Variants in NTF3 observed in about 807,000 individuals in gnomAD.
NTF3 encodes neurotrophin-3.
In NTF3, 8 loss-of-function variants were observed where a neutral mutation model predicts 26.3. The observed-to-expected ratio is 0.30, with a 90% CI of 0.18 to 0.55. The LOEUF (loss-of-function observed/expected upper bound fraction) is 0.55. Among genes scored for constraint, NTF3 ranks in the 20% least tolerant of loss-of-function variants. NTF3 has a pLI of 0.93. For missense variants in NTF3, 276 were observed against 352.9 expected, an observed-to-expected ratio of 0.78 and a Z score of 1.75; for synonymous variants, 154 against 145.5, an observed-to-expected ratio of 1.06 and a Z score of -0.42.
At chr12:5,449,775 C>T (rs1428658942) in intron 1 of NTF3, among the ~76,000 whole-genome samples, 1 of 152,224 alleles carries the variant, frequency 6.6e-6, no homozygotes, top group Non-Finnish European at 1.5e-5. Flanking sequence ...GATAATCCAT[C>T]TGATTTCAGT....
intron 1 of NTF3, among the ~76,000 whole-genome samples, chr12:5,485,842 G>A (rs1940860405): frequency 1.3e-5 from 2 of 152,176 alleles, no homozygotes; most frequent in Admixed American, 6.5e-5. Flanking sequence ...CACTACATGA[G>A]TGGGTGAGAA....
At chr12:5,459,287 G>A (rs962558687) in intron 1 of NTF3, among the ~76,000 whole-genome samples, 1 of 152,154 alleles carries the variant, frequency 6.6e-6, no homozygotes, top group African/African-American at 2.4e-5. Context: ...AAGTTTCTTG[G>A]AAACCCTATA....
At chr12:5,486,669 C>T (rs1024935902) in intron 1 of NTF3, among the ~76,000 whole-genome samples, 12 of 152,190 alleles carry the variant, frequency 7.9e-5, no homozygotes, top group African/African-American at 2.9e-4. Context: ...TCCAGCTGTA[C>T]CTTCAGCTGC....
At chr12:5,432,487 G>A in intron 1 of NTF3, 145 bp downstream of exon 1, 1 of 964,252 alleles carries the variant, frequency 1.0e-6, no homozygotes, top group Non-Finnish European at 1.5e-6. Context: ...TCACTTTCCC[G>A]GGCTTGTGTC....
intron 1 of NTF3, among the ~76,000 whole-genome samples, chr12:5,435,842 G>A (rs747758021): frequency 1.8e-4 from 28 of 152,108 alleles, no homozygotes; most frequent in Non-Finnish European, 3.1e-4. Flanking sequence ...ATGCAGGTGC[G>A]TGCACATGCA....
intron 1 of NTF3, among the ~76,000 whole-genome samples, chr12:5,469,129 A>T (rs1376494656): frequency 2.0e-5 from 3 of 151,778 alleles, no homozygotes; most frequent in Non-Finnish European, 2.9e-5. Flanking sequence ...TCAAAAAAAA[A>T]AAGAGGAAGA....
intron 1 of NTF3, among the ~76,000 whole-genome samples, chr12:5,454,327 T>A (rs942034924): frequency 2.0e-5 from 3 of 152,226 alleles, no homozygotes; most frequent in African/African-American, 7.2e-5. Context: ...AGATGTCCCT[T>A]TTTATAAGGA....
chr12:5,491,318 A>G (rs1940933160), intron 1 of NTF3, among the ~76,000 whole-genome samples: 1 of 152,232 alleles, frequency 6.6e-6, no homozygotes, highest in African/African-American at 2.4e-5. Flanking sequence ...TGGAGTCCAC[A>G]GGAAGCCTGC....
chr12:5,477,547 G>C (rs1471855990), intron 1 of NTF3, among the ~76,000 whole-genome samples: 1 of 152,208 alleles, frequency 6.6e-6, no homozygotes, highest in Non-Finnish European at 1.5e-5. Flanking sequence ...CAGGTAAGTT[G>C]TGAACTACAG....
intron 1 of NTF3, among the ~76,000 whole-genome samples, chr12:5,437,526 T>C (rs546474346): frequency 1.1e-4 from 16 of 152,278 alleles, no homozygotes; most frequent in Middle Eastern, 3.4e-3. Flanking sequence ...CCTGAGCAGT[T>C]ACAGCACTCC....
At chr12:5,430,847 T>G (rs1013871407), upstream of NTF3, among the ~76,000 whole-genome samples, 2 of 151,520 alleles carry the variant, frequency 1.3e-5, no homozygotes, top group African/African-American at 4.9e-5. Context: ...GGAGATGATG[T>G]GAGGAGCGGC....
chr12:5,461,151 G>C (rs529865575), intron 1 of NTF3, among the ~76,000 whole-genome samples: 19 of 152,338 alleles, frequency 1.2e-4, no homozygotes, highest in African/African-American at 4.1e-4. Flanking sequence ...GCTTCAGGAT[G>C]TGCGAACCAT....
chr12:5,449,609 A>G (rs1244569502), intron 1 of NTF3, among the ~76,000 whole-genome samples: 1 of 152,106 alleles, frequency 6.6e-6, no homozygotes, highest in Non-Finnish European at 1.5e-5. Flanking sequence ...AACCCCTAAC[A>G]TTCCTGACTC....
intron 1 of NTF3, among the ~76,000 whole-genome samples, chr12:5,485,755 A>G (rs1940859206): frequency 6.6e-6 from 1 of 152,176 alleles, no homozygotes; most frequent in Non-Finnish European, 1.5e-5. Context: ...CTGGAGTCAC[A>G]GTGTTTATTA....
intron 1 of NTF3, among the ~76,000 whole-genome samples, chr12:5,477,122 T>C (rs939851286): frequency 9.2e-5 from 14 of 152,116 alleles, no homozygotes; most frequent in Non-Finnish European, 1.8e-4. Context: ...CAGAAAACCA[T>C]TGTAGGGAGT....
chr12:5,494,988 A>G lies in NTF3; in HGVS notation c.813A>G (p.Ter271TrpextTer8), dbSNP rs1378298856. 1 of 1,613,308 alleles carries G rather than the reference A, an allele frequency of 6.2e-7. No individual in the cohort carries two copies. The highest frequency in any genetic ancestry group is 8.5e-7 in the Non-Finnish European group (1 of 1,179,578). The change falls in exon 2 of 2, where the codon TGA becomes TGG. Residue 271 changes from the stop codon to tryptophan (W), a stop_lost. Coordinates refer to ENST00000423158, the MANE Select transcript of NTF3 (RefSeq NM_001102654.2). The surrounding 1 kb of genome is among the most constrained non-coding windows in gnomAD (Gnocchi z 8.3). ...CALSRKIGRT[*>W] ...TGTCGAGAAAAATCGGAAGAACATG[A>G]ATTGGCATCTCTCCCCATATATAAA...
At chr12:5,451,797 G>A (rs1940376451) in intron 1 of NTF3, among the ~76,000 whole-genome samples, 1 of 152,112 alleles carries the variant, frequency 6.6e-6, no homozygotes, top group Non-Finnish European at 1.5e-5. Context: ...GGGCTCAAGC[G>A]ATCCTCTTAC....
intron 1 of NTF3, among the ~76,000 whole-genome samples, chr12:5,434,235 G>A (rs957348604): frequency 1.3e-5 from 2 of 152,220 alleles, no homozygotes; most frequent in African/African-American, 2.4e-5. Flanking sequence ...CTTAGGTATC[G>A]TGTTAGGAGG....
chr12:5,434,252 G>A (rs373975054), intron 1 of NTF3, among the ~76,000 whole-genome samples: 1 of 152,218 alleles, frequency 6.6e-6, no homozygotes. Context: ...GAGGTAAGGG[G>A]GTTGGAAAAT....
Sources: allele counts gnomAD v4.1 joint callset (sites outside exome capture counted in the v4.1 genomes callset), GRCh38; gene constraint gnomAD v4.1.1; non-coding constraint Gnocchi (gnomAD v3.1); transcripts MANE v1.5; gene names NCBI Gene and HGNC (gene_info 2026-07-23, HGNC 2026-07-21).